The following NXPE4 variants were observed in gnomAD, a reference collection of about 807,000 sequenced individuals.
NXPE4 encodes NXPE family member 4.
NXPE4 carries 42 observed loss-of-function variants against 33.3 expected under a neutral mutation model. The observed-to-expected ratio is 1.26, with a 90% CI of 0.98 to 1.63. NXPE4 has a LOEUF of 1.63. Ranked by LOEUF, NXPE4 falls within the 40% of genes most tolerant of loss-of-function variation. NXPE4 has a pLI of 0.00. For synonymous variants in NXPE4, 253 were observed against 234.9 expected (o/e 1.08, Z -0.71); for missense variants, 709 against 647.6 (o/e 1.09, Z -1.03).
chr11:114,611,266 C>T, the NXPE4 span, among the ~76,000 whole-genome samples: 1 of 151,728 alleles, frequency 6.6e-6, no homozygotes, highest in Non-Finnish European at 1.5e-5. Context: ...CTAGGGTAAC[C>T]ACTGTTACCC....
At chr11:114,621,795 T>G in the NXPE4 span, among the ~76,000 whole-genome samples, 1 of 152,126 alleles carries the variant, frequency 6.6e-6, no homozygotes, top group Non-Finnish European at 1.5e-5. Flanking sequence ...ACCCACTGGA[T>G]AATAATTATT....
chr11:114,594,794 G>T (rs1273373647), intron 1 of NXPE4, 25 bp from the exon 2 acceptor site: 3 of 1,164,984 alleles, frequency 2.6e-6, no homozygotes, highest in Non-Finnish European at 3.7e-6. Flanking sequence ...ACAAAAACAA[G>T]CACAAAAACA....
rs1420330928 is a variant in NXPE4 at position 114,571,027 on chromosome 11, T to C, written c.1546A>G (p.Ile516Val). 1 of 1,613,514 alleles carries C rather than the reference T, an allele frequency of 6.2e-7. No homozygotes were observed. The highest frequency in any genetic ancestry group is 8.5e-7 in the Non-Finnish European group (1 of 1,179,460). ...TTATTTGTGCCATATGCAATTGTTA[T>C]ATCCCAGGCATCAATGATACTCACA... Reference protein sequence around the residue: ...LSVSIIDAWDITIAYGTNNVH... With the variant: ...LSVSIIDAWDVTIAYGTNNVH... The change falls in exon 6 of 6, where the codon ATA (isoleucine) becomes GTA (valine). Residue 516 changes from isoleucine (I) to valine (V), a missense_variant. Coordinates refer to ENST00000375478, the MANE Select transcript of NXPE4 (RefSeq NM_001077639.2).
chr11:114,624,486 T>G, the NXPE4 span, among the ~76,000 whole-genome samples: 1 of 151,744 alleles, frequency 6.6e-6, no homozygotes, highest in Non-Finnish European at 1.5e-5. Flanking sequence ...GTATTGCCCA[T>G]GGGTAAGCCC....
the NXPE4 span, among the ~76,000 whole-genome samples, chr11:114,631,917 G>T: frequency 2.0e-5 from 3 of 151,244 alleles, no homozygotes; most frequent in Non-Finnish European, 4.4e-5. Context: ...GGTCACTACT[G>T]TTACCCGGTG....
At chr11:114,664,071 C>T in the NXPE4 span, among the ~76,000 whole-genome samples, 13 of 152,194 alleles carry the variant, frequency 8.5e-5, no homozygotes, top group African/African-American at 2.4e-4. Context: ...AAAGTTTATA[C>T]GTGATTATTT....
At chr11:114,594,909 A>AC (rs1591358354) in intron 1 of NXPE4, 140 bp from the exon 2 acceptor site, 1 of 558,614 alleles carries the variant, frequency 1.8e-6, no homozygotes, top group Non-Finnish European at 3.2e-6. Flanking sequence ...ATAAACCTTC[A>AC]CCCCCGCAAG....
chr11:114,628,043 A>G, the NXPE4 span, among the ~76,000 whole-genome samples: 1 of 150,942 alleles, frequency 6.6e-6, no homozygotes, highest in African/African-American at 2.5e-5. Context: ...ACCTACAAAG[A>G]GACTTAGACT....
At chr11:114,605,957 G>A in the NXPE4 span, among the ~76,000 whole-genome samples, 1 of 151,946 alleles carries the variant, frequency 6.6e-6, no homozygotes, top group African/African-American at 2.4e-5. Context: ...TGGATAATAA[G>A]TGTTGCCTCG....
chr11:114,646,598 TTACA>T, the NXPE4 span, among the ~76,000 whole-genome samples: 703 of 152,150 alleles, frequency 4.6e-3, 3 homozygotes, highest in Non-Finnish European at 7.0e-3. Flanking sequence ...AGAAAATATG[TTACA>T]TATTCTCAGC....
the NXPE4 span, among the ~76,000 whole-genome samples, chr11:114,625,193 G>A: frequency 1.7e-4 from 26 of 150,154 alleles, no homozygotes; most frequent in Middle Eastern, 3.8e-3. Context: ...TAATACGTGT[G>A]GCCTTGTGGG....
the NXPE4 span, among the ~76,000 whole-genome samples, chr11:114,629,175 G>C: frequency 4.6e-5 from 7 of 152,124 alleles, no homozygotes; most frequent in African/African-American, 1.7e-4. Context: ...CATTTTATGA[G>C]GCCAGCATCA....
At chr11:114,590,610 T>A (rs1027435655) in intron 2 of NXPE4, among the ~76,000 whole-genome samples, 1 of 152,134 alleles carries the variant, frequency 6.6e-6, no homozygotes, top group Non-Finnish European at 1.5e-5. Context: ...AGCCCCTCTG[T>A]AGGGAGGGCC....
chr11:114,642,528 G>A, the NXPE4 span, among the ~76,000 whole-genome samples: 1 of 151,606 alleles, frequency 6.6e-6, no homozygotes, highest in East Asian at 1.9e-4. Context: ...GCAGTATTTG[G>A]TTTGTGTTAG....
At chr11:114,669,197 C>A in the NXPE4 span, among the ~76,000 whole-genome samples, 1 of 152,050 alleles carries the variant, frequency 6.6e-6, no homozygotes, top group South Asian at 2.1e-4. Flanking sequence ...ATAAAACAAA[C>A]AATGATTTAA....
At chr11:114,653,686 C>G in the NXPE4 span, among the ~76,000 whole-genome samples, 2 of 151,956 alleles carry the variant, frequency 1.3e-5, no homozygotes, top group Non-Finnish European at 2.9e-5. Context: ...CACCACTATG[C>G]CTGGCTAATT....
At chr11:114,649,181 G>T in the NXPE4 span, among the ~76,000 whole-genome samples, 1 of 151,346 alleles carries the variant, frequency 6.6e-6, no homozygotes, top group Admixed American at 6.6e-5. Context: ...CTTTTGAAGG[G>T]TCTGGACCAT....
intron 4 of NXPE4, 89 bp downstream of exon 4, chr11:114,581,636 C>A (rs1032278441): frequency 9.2e-7 from 1 of 1,084,390 alleles, no homozygotes; most frequent in African/African-American, 1.6e-5. Flanking sequence ...GCTGATAGGA[C>A]TGAAACAGTG....
chr11:114,662,538 C>A, the NXPE4 span, among the ~76,000 whole-genome samples: 1 of 152,154 alleles, frequency 6.6e-6, no homozygotes, highest in Non-Finnish European at 1.5e-5. Flanking sequence ...GACTGGGGAG[C>A]ACACAACTTT....
Sources: allele counts gnomAD v4.1 joint callset (sites outside exome capture counted in the v4.1 genomes callset), GRCh38; gene constraint gnomAD v4.1.1; transcripts MANE v1.5; gene names NCBI Gene and HGNC (gene_info 2026-07-23, HGNC 2026-07-21).